Variants in INSYN2A observed in about 807,000 individuals in gnomAD.
The protein encoded by INSYN2A is family with sequence similarity 196 member A.
In INSYN2A, 17 loss-of-function variants were observed where a neutral mutation model predicts 39.4. That is an observed-to-expected ratio of 0.43 (90% CI 0.30 to 0.65). The LOEUF is 0.65. Among genes scored for constraint, INSYN2A ranks in the 30% least tolerant of loss-of-function variants. The probability of loss-of-function intolerance (pLI) is 0.14; values close to 1 mark genes in which losing one functional copy is unlikely to be tolerated. For missense variants in INSYN2A, 595 were observed against 631.2 expected (o/e 0.94, Z 0.61); for synonymous variants, 255 against 265.7 (o/e 0.96, Z 0.39).
chr10:127,149,833 G>A (rs1338660999), intron 5 of INSYN2A, among the ~76,000 whole-genome samples: 1 of 152,194 alleles, frequency 6.6e-6, no homozygotes, highest in African/African-American at 2.4e-5. Context: ...CAATCCCGGG[G>A]TGTTCCAGGC....
Position 127,177,027 on chromosome 10 carries a change from T to G in INSYN2A, c.-156A>C, listed in dbSNP as rs1476071020. ...TGAAGGAGAAGTCGTCGAGGGGTGG[T>G]CGCTTCTCATGGGTTAACATCAGCT... On this transcript the variant is annotated 5_prime_UTR_variant, in exon 3 of 6. Transcript: ENST00000522781. 1 of 152,136 alleles carries G rather than the reference T, an allele frequency of 6.6e-6. No homozygotes were observed. Among genetic ancestry groups the G allele is most frequent in the Non-Finnish European group, 1.5e-5 (1 of 68,106 alleles). The allele number at this position is 152,136 out of a possible 1,614,324, so 9.4% of individuals were successfully genotyped here.
rs540690487 is a variant in INSYN2A, at chr10:127,154,807, A to G, written c.1185-884T>C. Among the ~76,000 whole-genome samples the G allele has an allele frequency of 1.2e-4, 18 of 152,220 alleles. No homozygotes were observed. In the South Asian group the frequency reaches 3.7e-3, roughly 32 times the overall value. ...TGATCTTGGGGTCTTTCTGTAGTAT[A>G]TTGTTGAAGGTTGTATAAACATAAA... On this transcript the variant is annotated intron_variant, in intron 4 of 5. Transcript: ENST00000522781.
intron 4 of INSYN2A, among the ~76,000 whole-genome samples, chr10:127,171,359 A>G (rs1303031811): frequency 6.6e-6 from 1 of 152,252 alleles, no homozygotes; most frequent in Non-Finnish European, 1.5e-5. Context: ...AGATTTTACA[A>G]TAAACATGTT....
At position 127,137,672 on chromosome 10, in the gene INSYN2A, G is replaced by A. The variant is rs1273456566; in HGVS notation, c.*165C>T. The A allele has an allele frequency of 3.6e-6, 2 of 561,312 alleles. No homozygotes were observed. Among genetic ancestry groups the A allele is most frequent in the African/African-American group, 1.9e-5 (1 of 53,798 alleles). The allele number at this position is 561,312 out of a possible 1,614,324, so 34.8% of individuals were successfully genotyped here. A position where few individuals can be genotyped will look rare whatever the true frequency, so the allele number is the denominator to read the frequency against. ...GAGTGACACAGAATACCTTGCTTCT[G>A]TTAATTATCTATTGGTACAAAGGCC... On this transcript the variant is annotated 3_prime_UTR_variant, in exon 6 of 6. Coordinates refer to ENST00000522781, the MANE Select transcript of INSYN2A (RefSeq NM_001039762.3).
At chr10:127,195,962 G>A (rs1170772746) in intron 1 of INSYN2A, 35 bp downstream of exon 1, 2 of 152,308 alleles carry the variant, frequency 1.3e-5, no homozygotes, top group Non-Finnish European at 2.9e-5. Context: ...ACGGGCGCGG[G>A]GGCGCGGGAG....
At chr10:127,146,576 G>A (rs745345118) in intron 5 of INSYN2A, among the ~76,000 whole-genome samples, 32 of 152,164 alleles carry the variant, frequency 2.1e-4, no homozygotes, top group Non-Finnish European at 4.3e-4. Context: ...CATTGTGTAT[G>A]TAAGGTGTTA....
intron 4 of INSYN2A, among the ~76,000 whole-genome samples, chr10:127,161,995 A>T (rs1431750119): frequency 6.6e-6 from 1 of 152,224 alleles, no homozygotes; most frequent in African/African-American, 2.4e-5. Context: ...TTTTCTGCTC[A>T]GGACGTTGAT....
intron 5 of INSYN2A, among the ~76,000 whole-genome samples, chr10:127,149,199 G>A (rs2052221442): frequency 6.6e-6 from 1 of 152,110 alleles, no homozygotes; most frequent in African/African-American, 2.4e-5. Flanking sequence ...ATCTGGAAGG[G>A]ACCTTGATGA....
intron 4 of INSYN2A, among the ~76,000 whole-genome samples, chr10:127,170,008 T>G (rs1408902536): frequency 6.6e-6 from 1 of 151,972 alleles, no homozygotes; most frequent in Non-Finnish European, 1.5e-5. Context: ...TAGCTTCTTT[T>G]TTTACCACTG....
chr10:127,183,071 C>CT (rs3066813), intron 2 of INSYN2A, among the ~76,000 whole-genome samples: 11 of 88,624 alleles, frequency 1.2e-4, no homozygotes, highest in African/African-American at 2.1e-4. Context: ...TATGGTGAAT[C>CT]TTTTTTTTTT....
intron 5 of INSYN2A, among the ~76,000 whole-genome samples, chr10:127,147,903 C>T (rs997610674): frequency 4.6e-5 from 7 of 151,582 alleles, no homozygotes; most frequent in Admixed American, 2.0e-4. Context: ...TGGCGGTGCG[C>T]GCACGTAGTC....
intron 4 of INSYN2A, among the ~76,000 whole-genome samples, chr10:127,173,771 G>C (rs34377617): frequency 0.21 from 32,407 of 152,146 alleles, 4,254 homozygotes; most frequent in South Asian, 0.29. Flanking sequence ...GTTGCTTTTG[G>C]ATCTGTACTG....
intron 4 of INSYN2A, among the ~76,000 whole-genome samples, chr10:127,160,619 T>C (rs1029983998): frequency 6.6e-5 from 10 of 152,230 alleles, no homozygotes; most frequent in Non-Finnish European, 5.9e-5. Context: ...CTTCTAAGTG[T>C]GGTCTTCAAA....
In INSYN2A at chr10:127,175,517, A is replaced by C; in HGVS notation, c.879T>G (p.His293Gln). Reference sequence around the variant, plus strand: ...CCGAGGGCGCCTGGAGCCCGTTGAGATGTGTGGCTCTCCTCCGCTCGTCAT... The same window carrying C: ...CCGAGGGCGCCTGGAGCCCGTTGAGCTGTGTGGCTCTCCTCCGCTCGTCAT... ...PADDERRRAT[H>Q]LNGLQAPSET... is the part of the protein sequence containing the mutation. Residue 293 changes from histidine (H) to glutamine (Q), a missense_variant, in exon 4 of 6, where the codon CAT (histidine) becomes CAG (glutamine). Around this residue, in one of 2 missense-constraint regions of INSYN2A, gnomAD observed 478 missense variants for 467.4 expected, o/e 1.02. Transcript: ENST00000522781. The surrounding 1 kb of genome is among the most constrained non-coding windows in gnomAD (Gnocchi z 6.3). 4 of 1,609,420 alleles carry C rather than the reference A, an allele frequency of 2.5e-6. No individual in the cohort carries two copies. The highest frequency in any genetic ancestry group is 3.4e-6 in the Non-Finnish European group (4 of 1,179,980).
At position 127,175,950 on chromosome 10, in the gene INSYN2A, T is replaced by C. The variant is rs2055085812; in HGVS notation, c.446A>G (p.Glu149Gly). The C allele has an allele frequency of 1.2e-6, 2 of 1,614,200 alleles. No individual in the cohort carries two copies. The highest frequency in any genetic ancestry group is 1.3e-5 in the African/African-American group (1 of 75,048). Residue 149 changes from glutamate to glycine, a missense_variant, in exon 4 of 6, where the codon GAG (glutamate) becomes GGG (glycine). Physicochemically the swap from Glu to Gly is moderately conservative, Grantham distance 98 (BLOSUM62 -2). Coordinates refer to ENST00000522781, the MANE Select transcript of INSYN2A (RefSeq NM_001039762.3). This position sits in a 1 kb window ranked among gnomAD's most constrained non-coding sequence, Gnocchi z 6.3. ...CTCCATGGGTCCAGCCTCGTTCTTC[T>C]CTTTCGCATCTGTTAGAAACCCATT... ...QNNGFLTDAKEKNEAGPMEEA... is the reference protein window; with the variant it reads ...QNNGFLTDAKGKNEAGPMEEA...
At chr10:127,180,422 A>C (rs2055614535) in intron 2 of INSYN2A, among the ~76,000 whole-genome samples, 1 of 152,176 alleles carries the variant, frequency 6.6e-6, no homozygotes. Flanking sequence ...TTCGTAAGAA[A>C]ATTGTGTTTT....
intron 4 of INSYN2A, among the ~76,000 whole-genome samples, chr10:127,157,363 A>G (rs892681310): frequency 1.3e-5 from 2 of 152,212 alleles, no homozygotes; most frequent in Admixed American, 6.5e-5. Flanking sequence ...AGCAGGTGAG[A>G]GTGGGGAGAG....
At chr10:127,164,676 CTTT>C (rs1491000078) in intron 4 of INSYN2A, among the ~76,000 whole-genome samples, 1 of 152,108 alleles carries the variant, frequency 6.6e-6, no homozygotes, top group Non-Finnish European at 1.5e-5. Context: ...TAAGGCAGGA[CTTT>C]TTATTTTTTA....
intron 2 of INSYN2A, among the ~76,000 whole-genome samples, chr10:127,186,652 T>G (rs923711221): frequency 6.6e-6 from 1 of 151,670 alleles, no homozygotes; most frequent in Non-Finnish European, 1.5e-5. Context: ...ATGAATGAAA[T>G]AGCTTTCATT....
Sources: allele counts gnomAD v4.1 joint callset (sites outside exome capture counted in the v4.1 genomes callset), GRCh38; gene constraint gnomAD v4.1.1; regional missense constraint gnomAD v4.1.1; non-coding constraint Gnocchi (gnomAD v3.1); transcripts MANE v1.5; gene names NCBI Gene and HGNC (gene_info 2026-07-23, HGNC 2026-07-21).